Variants in KIF26B observed in about 807,000 individuals in gnomAD.
KIF26B encodes kinesin-like protein KIF26B.
Under a neutral mutation model 151.2 loss-of-function variants are expected in KIF26B, and 63 were observed. The ratio of observed to expected loss-of-function variants is 0.42; its 90% CI spans 0.34 to 0.51. The LOEUF (loss-of-function observed/expected upper bound fraction) is 0.51, where lower values mean the gene tolerates loss of function less well. KIF26B is among the 20% of genes least tolerant of loss of function. The probability of loss-of-function intolerance (pLI) is 0.07; values close to 1 mark genes in which losing one functional copy is unlikely to be tolerated. For missense variants in KIF26B, 2,813 were observed against 2,913.6 expected, an observed-to-expected ratio of 0.97 and a Z score of 0.79; for synonymous variants, 1,357 against 1,262.1, an observed-to-expected ratio of 1.08 and a Z score of -1.59.
At chr1:245,463,573 C>T (rs1413220922) in intron 4 of KIF26B, among the ~76,000 whole-genome samples, 2 of 152,112 alleles carry the variant, frequency 1.3e-5, no homozygotes, top group Admixed American at 6.5e-5. Context: ...AGGTCAGCTC[C>T]GCACACACTT....
intron 2 of KIF26B, among the ~76,000 whole-genome samples, chr1:245,279,252 C>A (rs1340880137): frequency 6.6e-6 from 1 of 151,908 alleles, no homozygotes; most frequent in Non-Finnish European, 1.5e-5. Context: ...TTTAGGCACT[C>A]ACACTCATCA....
In KIF26B at chr1:245,512,388, TACTGTG is replaced by T. The variant is rs1386518732; in HGVS notation, c.1167-28377_1167-28372del. 6.6e-6 allele frequency among the ~76,000 whole-genome samples: 1 copy of T among 152,038 alleles called. No homozygotes were observed. Among genetic ancestry groups the T allele is most frequent in the Non-Finnish European group, 1.5e-5 (1 of 68,010 alleles). On this transcript the variant is annotated intron_variant, in intron 4 of 14. Transcript: ENST00000407071. The surrounding 1 kb of genome is among the most constrained non-coding windows in gnomAD (Gnocchi z 4.3). ...CCTGCCCAGCCTTGGACAGAGGGAGTACTGTGAAGCAACATGCAGGGCTGCCAATTT... is the reference window on the plus strand; with the variant it reads ...CCTGCCCAGCCTTGGACAGAGGGAGTAAGCAACATGCAGGGCTGCCAATTT...
At chr1:245,513,226 C>T (rs981113678) in intron 4 of KIF26B, among the ~76,000 whole-genome samples, 7 of 151,312 alleles carry the variant, frequency 4.6e-5, no homozygotes, top group Admixed American at 2.0e-4. Flanking sequence ...CCAACCCCGC[C>T]GCCCCCTCTA....
intron 3 of KIF26B, among the ~76,000 whole-genome samples, chr1:245,373,368 A>G (rs556211988): frequency 1.3e-5 from 2 of 152,224 alleles, no homozygotes; most frequent in African/African-American, 4.8e-5. Context: ...TGTCTTAATC[A>G]TACTTAATAA....
intron 4 of KIF26B, among the ~76,000 whole-genome samples, chr1:245,522,924 G>A (rs554165301): frequency 6.6e-6 from 1 of 152,276 alleles, no homozygotes; most frequent in South Asian, 2.1e-4. Context: ...AGACACTTAG[G>A]ATATAGTTTT....
chr1:245,405,003 T>C (rs1182274904), intron 3 of KIF26B, among the ~76,000 whole-genome samples: 2 of 152,232 alleles, frequency 1.3e-5, no homozygotes, highest in South Asian at 2.1e-4. Flanking sequence ...GTATTTTTAC[T>C]AGTGAAATAG....
chr1:245,662,525 AC>A (rs950122430), intron 10 of KIF26B, among the ~76,000 whole-genome samples: 16 of 148,544 alleles, frequency 1.1e-4, no homozygotes, highest in Non-Finnish European at 1.5e-4. Context: ...ATATACACAC[AC>A]CCCCAATATA....
chr1:245,694,079 G>A (rs968005500), intron 12 of KIF26B, among the ~76,000 whole-genome samples: 4 of 152,194 alleles, frequency 2.6e-5, no homozygotes, highest in African/African-American at 9.7e-5. Context: ...TGCGGGGTTC[G>A]GAATCGCAGA....
intron 4 of KIF26B, among the ~76,000 whole-genome samples, chr1:245,528,946 T>G (rs912587715): frequency 6.6e-6 from 1 of 152,152 alleles, no homozygotes; most frequent in South Asian, 2.1e-4. Flanking sequence ...AATAGAAAAG[T>G]GCAATGAGAC....
chr1:245,290,326 A>G (rs1671235247), intron 2 of KIF26B, among the ~76,000 whole-genome samples: 1 of 152,238 alleles, frequency 6.6e-6, no homozygotes, highest in Admixed American at 6.5e-5. Context: ...GATCTTATGC[A>G]AGAAAGAATT....
At chr1:245,204,106 G>A (rs1272191518) in intron 2 of KIF26B, among the ~76,000 whole-genome samples, 2 of 152,142 alleles carry the variant, frequency 1.3e-5, no homozygotes, top group East Asian at 3.9e-4. Flanking sequence ...TACTTCATAT[G>A]TCCTTCTGCA....
At chr1:245,168,294 C>T (rs1668648760) in intron 2 of KIF26B, among the ~76,000 whole-genome samples, 1 of 152,198 alleles carries the variant, frequency 6.6e-6, no homozygotes, top group African/African-American at 2.4e-5. Flanking sequence ...GTCCGTCCAG[C>T]CAAGGGGAGG....
chr1:245,514,343 A>G (rs10802216), intron 4 of KIF26B, among the ~76,000 whole-genome samples: 139,830 of 152,032 alleles, frequency 0.92, 65,515 homozygotes, highest in East Asian at 1. Flanking sequence ...CCTAGCCAAC[A>G]TGGCAAAACC....
intron 2 of KIF26B, among the ~76,000 whole-genome samples, chr1:245,253,958 C>T (rs372297336): frequency 0.014 from 2,127 of 151,498 alleles, 52 homozygotes; most frequent in African/African-American, 0.048. Flanking sequence ...TACAGGCGCC[C>T]GCCACCACGC....
chr1:245,592,888 G>A (rs1023811429), intron 5 of KIF26B, among the ~76,000 whole-genome samples: 1 of 152,208 alleles, frequency 6.6e-6, no homozygotes, highest in Non-Finnish European at 1.5e-5. Context: ...ACTATGGGTT[G>A]ATGGAGCAAT....
At chr1:245,624,109 G>A (rs2043696019) in intron 9 of KIF26B, among the ~76,000 whole-genome samples, 1 of 152,092 alleles carries the variant, frequency 6.6e-6, no homozygotes, top group African/African-American at 2.4e-5. Flanking sequence ...GGGAAGATGT[G>A]TCTTCCTTCA....
At chr1:245,533,386 G>A (rs1448532141) in intron 4 of KIF26B, among the ~76,000 whole-genome samples, 8 of 152,080 alleles carry the variant, frequency 5.3e-5, no homozygotes, top group Non-Finnish European at 1.0e-4. Flanking sequence ...TCAATTACCT[G>A]GGTTGGATTT....
At chr1:245,269,992 T>C (rs1377587864) in intron 2 of KIF26B, among the ~76,000 whole-genome samples, 1 of 152,196 alleles carries the variant, frequency 6.6e-6, no homozygotes. Context: ...ACATGGTAGT[T>C]CTGTTTTTAA....
At chr1:245,590,778 T>C (rs549268164) in intron 5 of KIF26B, among the ~76,000 whole-genome samples, 2 of 152,012 alleles carry the variant, frequency 1.3e-5, no homozygotes, top group South Asian at 4.2e-4. Flanking sequence ...TGTGGTTGTA[T>C]GTGTGCGTCA....
Sources: allele counts gnomAD v4.1 joint callset (sites outside exome capture counted in the v4.1 genomes callset), GRCh38; gene constraint gnomAD v4.1.1; non-coding constraint Gnocchi (gnomAD v3.1); transcripts MANE v1.5; gene names NCBI Gene and HGNC (gene_info 2026-07-23, HGNC 2026-07-21).